The following SPAG16 variants were observed in gnomAD, a reference collection of about 807,000 sequenced individuals.
The protein encoded by SPAG16 is sperm-associated antigen 16 protein.
Under a neutral mutation model 80.4 loss-of-function variants are expected in SPAG16, and 86 were observed. The observed-to-expected ratio is 1.07, with a 90% CI of 0.90 to 1.28. The LOEUF is 1.28. SPAG16 is among the 50% of genes most tolerant of loss of function. The pLI, the probability that SPAG16 is intolerant of heterozygous loss-of-function variation, is 0.00. For synonymous variants in SPAG16, 294 were observed against 265.9 expected, an observed-to-expected ratio of 1.11 and a Z score of -1.03; for missense variants, 870 against 765.3, an observed-to-expected ratio of 1.14 and a Z score of -1.61.
intron 12 of SPAG16, among the ~76,000 whole-genome samples, chr2:213,984,335 T>C (rs1416897363): frequency 2.0e-5 from 3 of 152,094 alleles, no homozygotes; most frequent in Non-Finnish European, 4.4e-5. Context: ...TACACACATA[T>C]GTCTATATAC....
intron 9 of SPAG16, among the ~76,000 whole-genome samples, chr2:213,381,643 C>T (rs949842327): frequency 2.0e-5 from 3 of 152,146 alleles, no homozygotes; most frequent in African/African-American, 7.2e-5. Context: ...GCATGTGATC[C>T]ACCCGATTAT....
chr2:213,436,235 T>C (rs954605195), intron 9 of SPAG16, among the ~76,000 whole-genome samples: 3 of 152,180 alleles, frequency 2.0e-5, no homozygotes, highest in South Asian at 2.1e-4. Context: ...ATTGGGCAAT[T>C]AAAAACAATT....
chr2:213,956,086 T>C (rs967136072), intron 12 of SPAG16, among the ~76,000 whole-genome samples: 1 of 151,730 alleles, frequency 6.6e-6, no homozygotes, highest in Non-Finnish European at 1.5e-5. Flanking sequence ...GCTTCCTGAG[T>C]AGTTGGGATT....
At chr2:213,312,167 T>C (rs962379062) in intron 4 of SPAG16, among the ~76,000 whole-genome samples, 1 of 151,640 alleles carries the variant, frequency 6.6e-6, no homozygotes, top group African/African-American at 2.4e-5. Flanking sequence ...CCTGTAAATA[T>C]AGTTTTGCCA....
At chr2:213,673,664 T>C (rs2063912393) in intron 10 of SPAG16, among the ~76,000 whole-genome samples, 1 of 152,244 alleles carries the variant, frequency 6.6e-6, no homozygotes, top group African/African-American at 2.4e-5. Flanking sequence ...ACAGGGTCAG[T>C]GTTGAAAATG....
intron 12 of SPAG16, among the ~76,000 whole-genome samples, chr2:213,981,490 G>A (rs1414979112): frequency 1.3e-5 from 2 of 152,004 alleles, no homozygotes; most frequent in Non-Finnish European, 2.9e-5. Flanking sequence ...ATAATATGGA[G>A]TTTCATTATT....
At chr2:213,474,234 A>G (rs1224377872) in intron 9 of SPAG16, among the ~76,000 whole-genome samples, 2 of 152,174 alleles carry the variant, frequency 1.3e-5, no homozygotes, top group Non-Finnish European at 2.9e-5. Context: ...AATGGTAGAC[A>G]CCTGGAAAGG....
At chr2:213,961,590 T>TTG (rs1559633084) in intron 12 of SPAG16, among the ~76,000 whole-genome samples, 2 of 151,214 alleles carry the variant, frequency 1.3e-5, no homozygotes, top group African/African-American at 4.9e-5. Flanking sequence ...CCCTAGTTTT[T>TTG]TTTTTTTTTT....
chr2:213,984,500 T>C (rs1180279549), intron 12 of SPAG16, among the ~76,000 whole-genome samples: 1 of 152,070 alleles, frequency 6.6e-6, no homozygotes, highest in Non-Finnish European at 1.5e-5. Context: ...AGTAAAACAA[T>C]TCCACGCATG....
chr2:213,348,252 AT>A (rs2065113510), intron 6 of SPAG16, among the ~76,000 whole-genome samples: 1 of 151,954 alleles, frequency 6.6e-6, no homozygotes, highest in East Asian at 1.9e-4. Flanking sequence ...CCATCCCTTG[AT>A]TTTGAGCCTA....
chr2:214,274,113 A>G (rs1246782340), intron 15 of SPAG16, among the ~76,000 whole-genome samples: 1 of 152,154 alleles, frequency 6.6e-6, no homozygotes, highest in African/African-American at 2.4e-5. Context: ...TTATTGGTGT[A>G]TAGGAATGCT....
At chr2:213,756,675 CT>C (rs1216404906) in intron 10 of SPAG16, among the ~76,000 whole-genome samples, 8 of 152,144 alleles carry the variant, frequency 5.3e-5, no homozygotes, top group Middle Eastern at 3.2e-3. Flanking sequence ...CGGGAACCCC[CT>C]AAATGGCTAA....
At chr2:214,302,759 A>C (rs755721631) in intron 15 of SPAG16, among the ~76,000 whole-genome samples, 8 of 152,240 alleles carry the variant, frequency 5.3e-5, no homozygotes, top group Non-Finnish European at 1.0e-4. Context: ...CTGGGATTAC[A>C]GGTGTGAGCC....
chr2:213,506,247 A>G (rs1175005156), intron 10 of SPAG16, among the ~76,000 whole-genome samples: 1 of 152,124 alleles, frequency 6.6e-6, no homozygotes, highest in Non-Finnish European at 1.5e-5. Context: ...ATTTCTATGT[A>G]TTATATAGAA....
At chr2:213,937,083 T>C (rs1399918534) in intron 12 of SPAG16, among the ~76,000 whole-genome samples, 1 of 152,096 alleles carries the variant, frequency 6.6e-6, no homozygotes, top group African/African-American at 2.4e-5. Flanking sequence ...ATAAAAGAAA[T>C]TTTCTTATTA....
At chr2:213,305,276 G>C (rs10932478) in intron 3 of SPAG16, among the ~76,000 whole-genome samples, 148,390 of 152,278 alleles carry the variant, frequency 0.97, 72,413 homozygotes, top group East Asian at 1. Flanking sequence ...GGTTTTTTTC[G>C]AGTATAACAT....
chr2:213,649,786 G>T (rs1419115705), intron 10 of SPAG16, among the ~76,000 whole-genome samples: 1 of 151,986 alleles, frequency 6.6e-6, no homozygotes, highest in Non-Finnish European at 1.5e-5. Flanking sequence ...TTGTTTGGTT[G>T]CCCAGGCTGG....
At chr2:213,489,643 A>T (rs1336863347) in intron 9 of SPAG16, among the ~76,000 whole-genome samples, 1 of 152,104 alleles carries the variant, frequency 6.6e-6, no homozygotes, top group Non-Finnish European at 1.5e-5. Context: ...AAGCTTATTT[A>T]AAAAAAGACA....
chr2:214,103,488 C>T (rs10514629), intron 13 of SPAG16, among the ~76,000 whole-genome samples: 24,575 of 152,058 alleles, frequency 0.16, 2,200 homozygotes, highest in African/African-American at 0.21. Flanking sequence ...GTAAGAGAGA[C>T]GTCAGGAAAT....
Sources: gnomAD v4.1 joint callset for allele counts (sites outside exome capture counted in the v4.1 genomes callset) on GRCh38, gnomAD v4.1.1 for gene constraint, MANE v1.5 for transcripts, NCBI Gene and HGNC (gene_info 2026-07-23, HGNC 2026-07-21) for gene names.